SPAG16: variants seen among roughly 807,000 people sequenced by gnomAD.
SPAG16 encodes the protein sperm associated antigen 16.
SPAG16 carries 86 observed loss-of-function variants against 80.4 expected under a neutral mutation model. The ratio of observed to expected loss-of-function variants is 1.07; its 90% CI spans 0.90 to 1.28. The LOEUF (loss-of-function observed/expected upper bound fraction) is 1.28. Ranked by LOEUF, SPAG16 falls within the 50% of genes most tolerant of loss-of-function variation. The pLI is 0.00. For missense variants in SPAG16, 870 were observed against 765.3 expected (o/e 1.14, Z -1.61); for synonymous variants, 294 against 265.9 (o/e 1.11, Z -1.03).
At chr2:213,901,892 G>A (rs1246274852) in intron 11 of SPAG16, among the ~76,000 whole-genome samples, 1 of 152,112 alleles carries the variant, frequency 6.6e-6, no homozygotes, top group Non-Finnish European at 1.5e-5. Context: ...TGGCTTTCTT[G>A]TCCTATAGAA....
At chr2:213,344,347 C>T (rs980557252) in intron 6 of SPAG16, among the ~76,000 whole-genome samples, 1 of 151,914 alleles carries the variant, frequency 6.6e-6, no homozygotes, top group East Asian at 1.9e-4. Flanking sequence ...AAGGACCACC[C>T]TAGAAGTGAA....
At chr2:214,331,217 C>A (rs1045974850) in intron 15 of SPAG16, among the ~76,000 whole-genome samples, 10 of 152,142 alleles carry the variant, frequency 6.6e-5, no homozygotes, top group African/African-American at 2.4e-4. Context: ...CATGGAATGG[C>A]AAAGTGGATC....
chr2:214,228,291 G>A (rs1290830493), intron 15 of SPAG16, among the ~76,000 whole-genome samples: 2 of 151,716 alleles, frequency 1.3e-5, no homozygotes, highest in Non-Finnish European at 2.9e-5. Flanking sequence ...GCATATAATT[G>A]AAAAAGTTTT....
At chr2:214,276,944 T>A (rs1303740940) in intron 15 of SPAG16, among the ~76,000 whole-genome samples, 1 of 151,800 alleles carries the variant, frequency 6.6e-6, no homozygotes, top group Non-Finnish European at 1.5e-5. Context: ...AACATAGATT[T>A]GTTTTTTTTC....
chr2:213,296,825 A>G (rs1472250026), intron 2 of SPAG16, among the ~76,000 whole-genome samples: 1 of 152,238 alleles, frequency 6.6e-6, no homozygotes, highest in Non-Finnish European at 1.5e-5. Context: ...GTCATTAATC[A>G]TAATTGCAAT....
intron 11 of SPAG16, among the ~76,000 whole-genome samples, chr2:213,925,499 C>G (rs1048099185): frequency 6.6e-6 from 1 of 151,956 alleles, no homozygotes; most frequent in Non-Finnish European, 1.5e-5. Context: ...CTACATGTGT[C>G]CACTACCCTA....
In SPAG16 at chr2:214,154,511, AT is replaced by A. The variant is rs1276910774; in HGVS notation, c.1720+5251del. On this transcript the variant is annotated intron_variant, in intron 15 of 15. Coordinates refer to ENST00000331683, the MANE Select transcript of SPAG16 (RefSeq NM_024532.5). The stretch of plus-strand genomic sequence containing the variant: ...AAAAAGTATCAGACCCCCCCCCCCC[AT>A]TTTTTCATAACCTAACAAGATAACT... Among the ~76,000 whole-genome samples the A allele has an allele frequency of 2.8e-3, 230 of 81,498 alleles. 1 individual carries two copies. Among genetic ancestry groups the A allele is most frequent in the African/African-American group, 9.5e-3 (217 of 22,752 alleles). The allele number at this position is 81,498 out of a possible 152,430, so 53.5% of individuals were successfully genotyped here.
At chr2:214,269,800 A>G (rs1036932265) in intron 15 of SPAG16, among the ~76,000 whole-genome samples, 1 of 152,124 alleles carries the variant, frequency 6.6e-6, no homozygotes, top group Non-Finnish European at 1.5e-5. Flanking sequence ...AGAAGAATCT[A>G]TCTTGAGCAC....
At chr2:214,106,167 C>G (rs563598170) in intron 13 of SPAG16, among the ~76,000 whole-genome samples, 15 of 152,210 alleles carry the variant, frequency 9.9e-5, no homozygotes, top group Non-Finnish European at 1.9e-4. Flanking sequence ...TAATTTATAT[C>G]TTTGTAAAAA....
chr2:213,846,209 A>T (rs1041075535), intron 10 of SPAG16, among the ~76,000 whole-genome samples: 1 of 152,202 alleles, frequency 6.6e-6, no homozygotes, highest in Non-Finnish European at 1.5e-5. Flanking sequence ...AGGGAAAAAG[A>T]GTTTACCATT....
chr2:214,222,948 T>C lies in SPAG16; in HGVS notation c.1720+73682T>C, dbSNP rs190305956. 1.2e-3 allele frequency among the ~76,000 whole-genome samples: 185 copies of C among 152,314 alleles called. 1 individual carries two copies. The highest frequency in any genetic ancestry group is 2.2e-3 in the Non-Finnish European group (147 of 68,024). ...ACCATTTATTTGAACCAAATGAATA[T>C]TCAGAAACATGTTATTCAATTTTTA... On this transcript the variant is annotated intron_variant, in intron 15 of 15. Transcript: ENST00000331683.
chr2:214,355,645 C>G (rs1481922482), intron 15 of SPAG16, among the ~76,000 whole-genome samples: 1 of 150,072 alleles, frequency 6.7e-6, no homozygotes, highest in Admixed American at 6.7e-5. Flanking sequence ...ACTAGAAATA[C>G]CATTTGACCC....
At chr2:213,576,015 T>C (rs2060112237) in intron 10 of SPAG16, among the ~76,000 whole-genome samples, 1 of 152,194 alleles carries the variant, frequency 6.6e-6, no homozygotes, top group African/African-American at 2.4e-5. Flanking sequence ...TTGTCCTGAA[T>C]GGTATTGCCT....
intron 9 of SPAG16, among the ~76,000 whole-genome samples, chr2:213,432,752 T>C (rs1451798763): frequency 6.6e-6 from 1 of 152,146 alleles, no homozygotes; most frequent in Non-Finnish European, 1.5e-5. Flanking sequence ...TTCATTCTAT[T>C]AGGCCAGTAT....
chr2:213,630,654 G>A (rs890302466), intron 10 of SPAG16, among the ~76,000 whole-genome samples: 4 of 152,082 alleles, frequency 2.6e-5, no homozygotes, highest in African/African-American at 9.7e-5. Context: ...AGAATATATA[G>A]AAACATAGAT....
At chr2:213,445,900 A>G (rs959082250) in intron 9 of SPAG16, among the ~76,000 whole-genome samples, 6 of 152,216 alleles carry the variant, frequency 3.9e-5, no homozygotes, top group African/African-American at 1.4e-4. Flanking sequence ...AGGTTCCTCA[A>G]AAAACCCTGA....
chr2:213,596,977 G>A (rs766858172), intron 10 of SPAG16, among the ~76,000 whole-genome samples: 4 of 151,968 alleles, frequency 2.6e-5, no homozygotes, highest in Non-Finnish European at 2.9e-5. Flanking sequence ...AGCATTTTGC[G>A]GAGACTTATG....
At chr2:214,289,931 C>T (rs756382447) in intron 15 of SPAG16, among the ~76,000 whole-genome samples, 8 of 152,058 alleles carry the variant, frequency 5.3e-5, no homozygotes, top group Non-Finnish European at 1.2e-4. Context: ...ATGCTAGCCT[C>T]ATAGAATGAT....
chr2:213,333,191 C>T (rs377063042), intron 5 of SPAG16, among the ~76,000 whole-genome samples: 2 of 152,066 alleles, frequency 1.3e-5, no homozygotes, highest in East Asian at 3.8e-4. Context: ...ATACAAAAAT[C>T]AGTAGCATTT....
Sources: gnomAD v4.1 joint callset for allele counts (sites outside exome capture counted in the v4.1 genomes callset) on GRCh38, gnomAD v4.1.1 for gene constraint, MANE v1.5 for transcripts, NCBI Gene and HGNC (gene_info 2026-07-23, HGNC 2026-07-21) for gene names.